Variants in CSMD1 observed in about 807,000 individuals in gnomAD.
The protein encoded by CSMD1 is CUB and sushi domain-containing protein 1.
A neutral mutation model predicts 417.5 loss-of-function variants in CSMD1; 213 were observed. That is an observed-to-expected ratio of 0.51 (90% CI 0.46 to 0.57). The LOEUF (loss-of-function observed/expected upper bound fraction) is 0.57. Among genes scored for constraint, CSMD1 ranks in the 20% least tolerant of loss-of-function variants. CSMD1 has a pLI of 0.00. For synonymous variants in CSMD1, 2,862 were observed against 1,736.8 expected (o/e 1.65, Z -16.11); for missense variants, 6,923 against 4,529.7 (o/e 1.53, Z -15.17).
chr8:4,906,845 G>A (rs562638394), intron 1 of CSMD1, among the ~76,000 whole-genome samples: 3 of 152,066 alleles, frequency 2.0e-5, no homozygotes, highest in Non-Finnish European at 4.4e-5. Flanking sequence ...GGCGTGAGCC[G>A]CTGCCCCCGG....
chr8:4,291,575 C>T (rs565016587), intron 3 of CSMD1, among the ~76,000 whole-genome samples: 1 of 152,184 alleles, frequency 6.6e-6, no homozygotes, highest in Non-Finnish European at 1.5e-5. Context: ...TTTATTAAAG[C>T]TGAAGCGTAA....
chr8:4,254,595 A>C (rs929396285), intron 3 of CSMD1, among the ~76,000 whole-genome samples: 1 of 152,076 alleles, frequency 6.6e-6, no homozygotes, highest in Non-Finnish European at 1.5e-5. Flanking sequence ...CTCACCACTC[A>C]CTTGCTGACT....
intron 2 of CSMD1, among the ~76,000 whole-genome samples, chr8:4,520,187 A>C (rs1803363344): frequency 6.6e-6 from 1 of 152,166 alleles, no homozygotes; most frequent in Admixed American, 6.5e-5. Flanking sequence ...CAAACTCATA[A>C]AAATGCAATA....
At chr8:3,636,771 C>T (rs1171503573) in intron 7 of CSMD1, among the ~76,000 whole-genome samples, 1 of 152,136 alleles carries the variant, frequency 6.6e-6, no homozygotes, top group Admixed American at 6.5e-5. Context: ...GAGAGGTTCT[C>T]CTGACACTTC....
intron 5 of CSMD1, among the ~76,000 whole-genome samples, chr8:3,970,208 C>G (rs187468520): frequency 6.6e-6 from 1 of 152,234 alleles, no homozygotes; most frequent in Non-Finnish European, 1.5e-5. Flanking sequence ...CTTTTACAAA[C>G]TAAATGCATG....
rs904377830 is a variant in CSMD1 at position 3,934,584 on chromosome 8, G to A, written c.818+63319C>T. Among the ~76,000 whole-genome samples the A allele has an allele frequency of 1.2e-4, 19 of 152,290 alleles. 1 individual carries two copies. The highest frequency in any genetic ancestry group is 6.8e-3 in the Middle Eastern group (2 of 294). ...CAATTGGTATATTTGGCCAGGCGCG[G>A]TGGCTGATGCCTGTAATCTCAGCAC... On this transcript the variant is annotated intron_variant, in intron 5 of 69. Transcript: ENST00000635120.
chr8:4,807,023 C>T (rs1472083948), intron 1 of CSMD1, among the ~76,000 whole-genome samples: 3 of 152,222 alleles, frequency 2.0e-5, no homozygotes, highest in South Asian at 2.1e-4. Context: ...TCTGGACTAC[C>T]TCATCATCTC....
chr8:4,022,085 CCA>C (rs201705205), intron 4 of CSMD1, among the ~76,000 whole-genome samples: 3 of 113,538 alleles, frequency 2.6e-5, no homozygotes, highest in South Asian at 8.2e-4. Context: ...GAGCATGTAT[CCA>C]CACACACACA....
chr8:4,640,100 G>T (rs928941855), intron 1 of CSMD1, among the ~76,000 whole-genome samples: 2 of 152,170 alleles, frequency 1.3e-5, no homozygotes, highest in Non-Finnish European at 2.9e-5. Flanking sequence ...GACCCATCAG[G>T]TTGAATCAGA....
chr8:4,099,585 A>G (rs1801201321), intron 3 of CSMD1, among the ~76,000 whole-genome samples: 1 of 152,008 alleles, frequency 6.6e-6, no homozygotes, highest in Non-Finnish European at 1.5e-5. Context: ...TCAATCAATC[A>G]AACTGTTCTT....
In CSMD1 at chr8:3,198,439, C is replaced by G. The variant is rs1357066572; in HGVS notation, c.5194+1275G>C. ...AGACGGGTTGTTTCAACAGGCCACT[C>G]TCTAATAAAGTCCATTTTTAAAAAC... On this transcript the variant is annotated intron_variant, in intron 33 of 69. Coordinates refer to ENST00000635120, the MANE Select transcript of CSMD1 (RefSeq NM_033225.6). Among the ~76,000 whole-genome samples, 4 of 152,310 alleles carry G rather than the reference C, an allele frequency of 2.6e-5. No individual in the cohort carries two copies. In the East Asian group the frequency reaches 7.7e-4, roughly 29 times the overall value.
chr8:4,919,160 T>C lies in CSMD1; in HGVS notation c.85+75172A>G, dbSNP rs1317315786. Among the ~76,000 whole-genome samples, 4 of 151,076 alleles carry C rather than the reference T, an allele frequency of 2.6e-5. No individual in the cohort carries two copies. The East Asian group carries it at 7.7e-4, about 29-fold the overall frequency. On this transcript the variant is annotated intron_variant, in intron 1 of 69. Transcript: ENST00000635120. ...TGGAAACATACTCAGTTAAAATCACTAAAGTAAAATTAAAATCCTGTAAAA... is the reference window on the plus strand; with the variant it reads ...TGGAAACATACTCAGTTAAAATCACCAAAGTAAAATTAAAATCCTGTAAAA...
chr8:3,538,132 T>C (rs998941558), intron 10 of CSMD1, among the ~76,000 whole-genome samples: 1 of 152,232 alleles, frequency 6.6e-6, no homozygotes, highest in Non-Finnish European at 1.5e-5. Context: ...CGATTGCACA[T>C]GGACTTCTAG....
At chr8:4,366,500 C>A (rs953682341) in intron 3 of CSMD1, among the ~76,000 whole-genome samples, 7 of 152,114 alleles carry the variant, frequency 4.6e-5, no homozygotes, top group Non-Finnish European at 1.0e-4. Flanking sequence ...CGATAAAACT[C>A]CACAGTTTTC....
chr8:3,573,663 G>C (rs534991508), intron 10 of CSMD1, among the ~76,000 whole-genome samples: 12 of 152,076 alleles, frequency 7.9e-5, no homozygotes, highest in Non-Finnish European at 1.5e-4. Context: ...TTCTCTTTTA[G>C]AACTGGCAAC....
chr8:3,990,134 A>C (rs1458823411), intron 5 of CSMD1, among the ~76,000 whole-genome samples: 1 of 152,214 alleles, frequency 6.6e-6, no homozygotes. Flanking sequence ...TAACAGCGTT[A>C]ATTTAGTTTT....
chr8:4,170,246 C>A (rs555261887), intron 3 of CSMD1, among the ~76,000 whole-genome samples: 3 of 151,832 alleles, frequency 2.0e-5, no homozygotes, highest in Non-Finnish European at 4.4e-5. Context: ...ATCTCTCTTT[C>A]TCTTTTTGAA....
intron 10 of CSMD1, among the ~76,000 whole-genome samples, chr8:3,532,502 A>G (rs1489327916): frequency 1.3e-5 from 2 of 152,054 alleles, no homozygotes; most frequent in South Asian, 2.1e-4. Context: ...CCATATCCCA[A>G]CCTTCCCCTC....
chr8:3,991,663 G>C (rs914949543), intron 5 of CSMD1, among the ~76,000 whole-genome samples: 2 of 152,170 alleles, frequency 1.3e-5, no homozygotes, highest in African/African-American at 4.8e-5. Context: ...CACTAAGGCA[G>C]AAGGTTGCTG....
Sources: allele counts gnomAD v4.1 joint callset (sites outside exome capture counted in the v4.1 genomes callset), GRCh38; gene constraint gnomAD v4.1.1; transcripts MANE v1.5; gene names NCBI Gene and HGNC (gene_info 2026-07-23, HGNC 2026-07-21).